Variants in KCNK2 observed in about 807,000 individuals in gnomAD.
KCNK2 encodes the protein potassium two pore domain channel subfamily K member 2.
A neutral mutation model predicts 40.5 loss-of-function variants in KCNK2; 21 were observed. The ratio of observed to expected loss-of-function variants is 0.52; its 90% CI spans 0.37 to 0.75. The LOEUF (loss-of-function observed/expected upper bound fraction) is 0.75. KCNK2 is among the 30% of genes least tolerant of loss of function. The probability of loss-of-function intolerance (pLI) is 0.00; values close to 1 mark genes in which losing one functional copy is unlikely to be tolerated. For missense variants in KCNK2, 399 were observed against 531.6 expected, an observed-to-expected ratio of 0.75 and a Z score of 2.45; for synonymous variants, 191 against 202.2, an observed-to-expected ratio of 0.94 and a Z score of 0.47.
At chr1:215,164,279 T>A (rs937244812) in intron 3 of KCNK2, among the ~76,000 whole-genome samples, 3 of 152,194 alleles carry the variant, frequency 2.0e-5, no homozygotes, top group Admixed American at 6.5e-5. Flanking sequence ...CCTTTATCAT[T>A]TTTTATTGTG....
chr1:215,151,653 C>T (rs1244078283), intron 3 of KCNK2, among the ~76,000 whole-genome samples: 3 of 151,922 alleles, frequency 2.0e-5, no homozygotes, highest in Admixed American at 1.3e-4. Context: ...TTCATTCCTC[C>T]AGGTCTTTTT....
At chr1:215,214,489 TTG>T (rs1441479727) in intron 6 of KCNK2, among the ~76,000 whole-genome samples, 6 of 152,292 alleles carry the variant, frequency 3.9e-5, no homozygotes, top group African/African-American at 1.2e-4. Context: ...CGTCATATTT[TTG>T]TGTTTACTAA....
At chr1:215,122,740 CTTTTTT>C (rs564207038) in intron 2 of KCNK2, among the ~76,000 whole-genome samples, 6 of 120,356 alleles carry the variant, frequency 5.0e-5, no homozygotes, top group South Asian at 2.8e-4. Context: ...CATTCATAAT[CTTTTTT>C]TTTTTTTTTT....
At chr1:215,144,392 T>G (rs1662322866) in intron 3 of KCNK2, among the ~76,000 whole-genome samples, 1 of 152,158 alleles carries the variant, frequency 6.6e-6, no homozygotes, top group Non-Finnish European at 1.5e-5. Flanking sequence ...TCTGTATAGT[T>G]ACACATCATT....
intron 1 of KCNK2, among the ~76,000 whole-genome samples, chr1:215,028,319 A>T (rs1457254333): frequency 6.8e-6 from 1 of 147,116 alleles, no homozygotes; most frequent in Admixed American, 6.8e-5. Flanking sequence ...CAGGAGGCAG[A>T]GGTTGCAGTG....
Position 215,086,670 on chromosome 1 carries a change from C to T in KCNK2, c.349C>T (p.Leu117Phe), listed in dbSNP as rs776485334. 31 of 1,612,706 alleles carry T rather than the reference C, an allele frequency of 1.9e-5. No homozygotes were observed. The highest frequency in any genetic ancestry group is 2.5e-6 in the Non-Finnish European group (3 of 1,179,002). ...TGTCAATTCGACGGAGCTGGATGAA[C>T]TCATTCAGGTAATGGCATGGGAGGA... ...SCVNSTELDELIQQIVAAINA... is the reference protein window; with the variant it reads ...SCVNSTELDEFIQQIVAAINA... The change falls in exon 2 of 7, where the codon CTC (leucine) becomes TTC (phenylalanine). Residue 117 changes from leucine to phenylalanine, a missense_variant. This residue lies in a region of KCNK2 where 279 missense variants were observed against 353.8 expected (regional missense o/e 0.79). Transcript: ENST00000444842.
chr1:215,176,222 G>A (rs1385843191), intron 5 of KCNK2, among the ~76,000 whole-genome samples: 1 of 152,016 alleles, frequency 6.6e-6, no homozygotes, highest in African/African-American at 2.4e-5. Context: ...TTGTGGTTTT[G>A]ATTTTCAATT....
intron 1 of KCNK2, among the ~76,000 whole-genome samples, chr1:215,054,717 T>C (rs1266457332): frequency 6.6e-6 from 1 of 152,142 alleles, no homozygotes; most frequent in Admixed American, 6.5e-5. Flanking sequence ...ACAATGAAAA[T>C]ATGACCTGAA....
At chr1:215,089,806 A>G (rs1659612628) in intron 2 of KCNK2, among the ~76,000 whole-genome samples, 1 of 150,168 alleles carries the variant, frequency 6.7e-6, no homozygotes, top group Non-Finnish European at 1.5e-5. Context: ...TATATGGCAA[A>G]TTGTTCAGGT....
At chr1:215,125,739 A>T (rs932843874) in intron 3 of KCNK2, among the ~76,000 whole-genome samples, 9 of 124,326 alleles carry the variant, frequency 7.2e-5, no homozygotes, top group East Asian at 2.4e-4. Context: ...AAGTATAATA[A>T]ATATATATAT....
intron 1 of KCNK2, among the ~76,000 whole-genome samples, chr1:215,037,525 G>C (rs1657430054): frequency 6.6e-6 from 1 of 151,838 alleles, no homozygotes; most frequent in African/African-American, 2.4e-5. Context: ...TTCGATAAGG[G>C]TTATCTTGAC....
intron 1 of KCNK2, among the ~76,000 whole-genome samples, chr1:215,085,097 A>C (rs1400799265): frequency 6.6e-6 from 1 of 152,218 alleles, no homozygotes; most frequent in Non-Finnish European, 1.5e-5. Context: ...TCTCATACTG[A>C]AGTAATTTCA....
chr1:215,070,465 A>C (rs550073833), intron 1 of KCNK2, among the ~76,000 whole-genome samples: 1 of 149,752 alleles, frequency 6.7e-6, no homozygotes, highest in East Asian at 2.0e-4. Context: ...TGTTTAATTG[A>C]CTTATAGTTC....
Position 215,083,330 on chromosome 1 carries a change from A to G in KCNK2, c.-56A>G, listed in dbSNP as rs368385202. 14 of 1,609,816 alleles carry G rather than the reference A, an allele frequency of 8.7e-6. No homozygotes were observed. The highest frequency in any genetic ancestry group is 1.7e-5 in the Admixed American group (1 of 59,888). On this transcript the variant is annotated 5_prime_UTR_variant, in exon 1 of 7. The change abolishes the stop of an existing upstream ORF in the 5' untranslated region. Transcript: ENST00000444842. ...GAAGTGAGTACAATGGCGTGTTTGT[A>G]AAAAAAAGCTTCAAGTCCGTCTTTT...
intron 3 of KCNK2, among the ~76,000 whole-genome samples, chr1:215,136,676 C>G (rs1215069516): frequency 6.6e-6 from 1 of 152,114 alleles, no homozygotes; most frequent in Non-Finnish European, 1.5e-5. Context: ...CAGGTTCTTC[C>G]ATGATCCCTG....
intron 1 of KCNK2, 125 bp downstream of exon 1, chr1:215,083,556 A>C: frequency 1.3e-6 from 1 of 744,874 alleles, no homozygotes; most frequent in Non-Finnish European, 2.4e-6. Flanking sequence ...CTTCGCGTCC[A>C]AAGTGTTGGG....
chr1:215,192,478 C>T (rs1201450141), intron 5 of KCNK2, among the ~76,000 whole-genome samples: 7 of 152,158 alleles, frequency 4.6e-5, no homozygotes, highest in Non-Finnish European at 5.9e-5. Context: ...AAAAAGTAAT[C>T]TGAGCATGAA....
At chr1:215,117,630 T>C (rs1661005121) in intron 2 of KCNK2, among the ~76,000 whole-genome samples, 1 of 152,166 alleles carries the variant, frequency 6.6e-6, no homozygotes, top group South Asian at 2.1e-4. Flanking sequence ...GGCAATTTTA[T>C]ATGCTTCAGC....
At chr1:215,071,908 A>T (rs1334384196) in intron 1 of KCNK2, among the ~76,000 whole-genome samples, 1 of 152,210 alleles carries the variant, frequency 6.6e-6, no homozygotes, top group Non-Finnish European at 1.5e-5. Flanking sequence ...AGGGTAAGGC[A>T]AGTGAGGCCA....
Sources: allele counts gnomAD v4.1 joint callset (sites outside exome capture counted in the v4.1 genomes callset), GRCh38; gene constraint gnomAD v4.1.1; regional missense constraint gnomAD v4.1.1; transcripts MANE v1.5; gene names NCBI Gene and HGNC (gene_info 2026-07-23, HGNC 2026-07-21).